GABPB1: variants seen among roughly 807,000 people sequenced by gnomAD.
GABPB1 encodes GA-binding protein subunit beta-1.
Under a neutral mutation model 45.9 loss-of-function variants are expected in GABPB1, and 15 were observed. That is an observed-to-expected ratio of 0.33 (90% CI 0.22 to 0.50). GABPB1 has a LOEUF of 0.50. GABPB1 is among the 20% of genes least tolerant of loss of function. GABPB1 has a pLI of 0.98. For missense variants in GABPB1, 252 were observed against 457.5 expected, an observed-to-expected ratio of 0.55 and a Z score of 4.10; for synonymous variants, 143 against 154.4, an observed-to-expected ratio of 0.93 and a Z score of 0.55.
At chr15:50,305,462 C>G (rs2046916619) in intron 2 of GABPB1, among the ~76,000 whole-genome samples, 1 of 152,140 alleles carries the variant, frequency 6.6e-6, no homozygotes, top group South Asian at 2.1e-4. Flanking sequence ...AGCAATCTGT[C>G]CACCTCAGCC....
chr15:50,297,065 C>T (rs2046542969), intron 6 of GABPB1, among the ~76,000 whole-genome samples: 1 of 151,722 alleles, frequency 6.6e-6, no homozygotes, highest in African/African-American at 2.4e-5. Context: ...CATACGCCAC[C>T]ACATCCGGCT....
At position 50,278,407 on chromosome 15, in the gene GABPB1, TA is replaced by T. The variant is rs896514816; in HGVS notation, c.*224del. 0.063 allele frequency: 17,576 copies of T among 277,584 alleles called. No individual in the cohort carries two copies. The highest frequency in any genetic ancestry group is 0.091 in the East Asian group (1,446 of 15,968). The allele number at this position is 277,584 out of a possible 1,614,324, so 17.2% of individuals were successfully genotyped here. On this transcript the variant is annotated 3_prime_UTR_variant, in exon 9 of 9. Coordinates refer to ENST00000380877, the MANE Select transcript of GABPB1 (RefSeq NM_016654.5). ...ATCTTTATCAACTCATTTGGAACTG[TA>T]AAAAAAAAAAAACTATTTACAGAAT...
chr15:50,328,337 T>A (rs560960114), intron 1 of GABPB1, among the ~76,000 whole-genome samples: 1 of 152,266 alleles, frequency 6.6e-6, no homozygotes, highest in Non-Finnish European at 1.5e-5. Context: ...CTTTCTCCCA[T>A]CTACCTCTCC....
intron 1 of GABPB1, among the ~76,000 whole-genome samples, chr15:50,321,639 T>C (rs570385022): frequency 6.6e-5 from 10 of 150,758 alleles, no homozygotes; most frequent in South Asian, 6.3e-4. Flanking sequence ...GAGGCAGAGG[T>C]TGCAGCGAGC....
Position 50,286,197 on chromosome 15 carries a change from A to G in GABPB1, c.884-14T>C, listed in dbSNP as rs542421149. On this transcript the variant is annotated splice_polypyrimidine_tract_variant and intron_variant, in intron 7 of 8. Coordinates refer to ENST00000380877, the MANE Select transcript of GABPB1 (RefSeq NM_016654.5). ...GTACTGTTAATACTAAAATGAAAAA[A>G]AAATTATGTATTACTTCATTTTCAG... 14 of 1,486,872 alleles carry G rather than the reference A, an allele frequency of 9.4e-6. No individual in the cohort carries two copies. The South Asian group carries it at 1.6e-4, about 17-fold the overall frequency. 92.1% of individuals were successfully genotyped at this position (1,486,872 alleles called of 1,614,324 possible). A position where few individuals can be genotyped will look rare whatever the true frequency, so the allele number is the denominator to read the frequency against.
At chr15:50,328,215 T>A (rs2047836155) in intron 1 of GABPB1, among the ~76,000 whole-genome samples, 1 of 151,970 alleles carries the variant, frequency 6.6e-6, no homozygotes, top group Non-Finnish European at 1.5e-5. Flanking sequence ...AAGCTGGTCA[T>A]CTTGCTTCAT....
chr15:50,317,907 T>G (rs2047407312), intron 1 of GABPB1, among the ~76,000 whole-genome samples: 1 of 84,706 alleles, frequency 1.2e-5, no homozygotes, highest in Non-Finnish European at 2.5e-5. Flanking sequence ...AGACTCCGTA[T>G]CAAAAAAAAA....
chr15:50,343,591 T>C (rs1201327007), intron 1 of GABPB1, among the ~76,000 whole-genome samples: 2 of 151,964 alleles, frequency 1.3e-5, no homozygotes, highest in Non-Finnish European at 2.9e-5. Flanking sequence ...AGGCTGGAGG[T>C]GCAGTGGTGC....
At chr15:50,348,444 T>A (rs1298834484) in intron 1 of GABPB1, among the ~76,000 whole-genome samples, 2 of 151,878 alleles carry the variant, frequency 1.3e-5, no homozygotes, top group Admixed American at 1.3e-4. Context: ...AGGGACGGCG[T>A]TTCACCATGT....
In GABPB1 at chr15:50,304,144, GAAAA is replaced by G; in HGVS notation, c.109-15_109-12del. On this transcript the variant is annotated splice_polypyrimidine_tract_variant and intron_variant, in intron 2 of 8. Transcript: ENST00000380877. ...TGGAGAAGTTCCCAGCTGTACCACA[GAAAA>G]AAAAAAAAATCCACATTTACATTAT... The G allele has an allele frequency of 8.3e-7, 1 of 1,206,566 alleles. No individual in the cohort carries two copies. Among genetic ancestry groups the G allele is most frequent in the Non-Finnish European group, 1.1e-6 (1 of 897,384 alleles). The allele number at this position is 1,206,566 out of a possible 1,614,324, so 74.7% of individuals were successfully genotyped here.
chr15:50,300,709 T>C (rs1720534041), intron 6 of GABPB1, 80 bp downstream of exon 6: 1 of 846,080 alleles, frequency 1.2e-6, no homozygotes, highest in Admixed American at 1.8e-5. Context: ...CCTCCCAAAG[T>C]GCTAGGATTA....
At chr15:50,331,864 TTTTTTG>T (rs1456632926) in intron 1 of GABPB1, among the ~76,000 whole-genome samples, 5 of 140,574 alleles carry the variant, frequency 3.6e-5, no homozygotes, top group Admixed American at 7.2e-5. Flanking sequence ...TTCAGTTTTT[TTTTTTG>T]TTTTTTGTTT....
intron 6 of GABPB1, among the ~76,000 whole-genome samples, chr15:50,294,908 A>T (rs2046462246): frequency 6.6e-6 from 1 of 152,250 alleles, no homozygotes; most frequent in African/African-American, 2.4e-5. Flanking sequence ...TGCTCTAAAG[A>T]CAAAAAAGAA....
chr15:50,295,967 C>G (rs1197093387), intron 6 of GABPB1, among the ~76,000 whole-genome samples: 1 of 152,114 alleles, frequency 6.6e-6, no homozygotes, highest in Non-Finnish European at 1.5e-5. Flanking sequence ...ATAGGACTAC[C>G]ATTAAAATGT....
rs1173961008 is a variant in GABPB1 at position 50,337,129 on chromosome 15, A to ATATATATATAT, written c.-1+17855_-1+17856insATATATATATA. On this transcript the variant is annotated intron_variant, in intron 1 of 8. Transcript: ENST00000380877. Reference sequence around the variant, plus strand: ...TATATATATATATATATATATATATAATATGAAGAGGTCAGAGCCCATCCA... The same window carrying ATATATATATAT: ...TATATATATATATATATATATATATATATATATATATATATGAAGAGGTCAGAGCCCATCCA... Among the ~76,000 whole-genome samples the ATATATATATAT allele has an allele frequency of 9.2e-3, 97 of 10,512 alleles. 6 individuals carry two copies. The highest frequency in any genetic ancestry group is 0.048 in the East Asian group (12 of 250). The allele number at this position is 10,512 out of a possible 152,430, so 6.9% of individuals were successfully genotyped here.
At chr15:50,303,441 T>G (rs2046827920) in intron 3 of GABPB1, among the ~76,000 whole-genome samples, 1 of 152,136 alleles carries the variant, frequency 6.6e-6, no homozygotes, top group Admixed American at 6.5e-5. Context: ...CCCAGCACTT[T>G]GGGAGCCCAA....
At chr15:50,301,197 C>A (rs377310501) in intron 5 of GABPB1, 60 bp downstream of exon 5, 6 of 1,600,152 alleles carry the variant, frequency 3.7e-6, no homozygotes, top group Non-Finnish European at 5.1e-6. Context: ...AATCCCAAAG[C>A]CTATCCTATA....
intron 1 of GABPB1, among the ~76,000 whole-genome samples, chr15:50,337,130 A>T (rs1269366428): frequency 0.037 from 142 of 3,796 alleles, no homozygotes; most frequent in Non-Finnish European, 0.047. Flanking sequence ...TATATATATA[A>T]TATGAAGAGG....
At chr15:50,311,046 C>T (rs1250971105) in intron 1 of GABPB1, among the ~76,000 whole-genome samples, 1 of 151,100 alleles carries the variant, frequency 6.6e-6, no homozygotes. Flanking sequence ...AGGCTAATGT[C>T]CCAGCCTGGG....
Sources: gnomAD v4.1 joint callset for allele counts (sites outside exome capture counted in the v4.1 genomes callset) on GRCh38, gnomAD v4.1.1 for gene constraint, MANE v1.5 for transcripts, NCBI Gene and HGNC (gene_info 2026-07-23, HGNC 2026-07-21) for gene names.